The following CEP85 variants were observed in gnomAD, a reference collection of about 807,000 sequenced individuals.
CEP85 encodes the protein centrosomal protein of 85 kDa.
In CEP85, 58 loss-of-function variants were observed where a neutral mutation model predicts 93.7. The observed-to-expected ratio is 0.62, with a 90% CI of 0.50 to 0.77. The LOEUF is 0.77. Ranked by LOEUF, CEP85 falls within the 30% of genes least tolerant of loss-of-function variation. The probability of loss-of-function intolerance (pLI) is 0.00; values close to 1 mark genes in which losing one functional copy is unlikely to be tolerated. For synonymous variants in CEP85, 314 were observed against 338.6 expected, an observed-to-expected ratio of 0.93 and a Z score of 0.80; for missense variants, 868 against 922.0, an observed-to-expected ratio of 0.94 and a Z score of 0.76.
At position 26,264,897 on chromosome 1, in the gene CEP85, C is replaced by A. The variant is rs940432159; in HGVS notation, c.1342-3586C>A. Among the ~76,000 whole-genome samples, 16 of 151,888 alleles carry A rather than the reference C, an allele frequency of 1.1e-4. No individual in the cohort carries two copies. In the East Asian group the frequency reaches 3.1e-3, roughly 29 times the overall value. ...TCACGATTTAGGCTCACTGCAGCCT[C>A]CACCTCCCAGATTCAAACTATTCTC... On this transcript the variant is annotated intron_variant, in intron 7 of 13. Transcript: ENST00000451429.
chr1:26,250,918 T>C (rs546667689), intron 3 of CEP85, among the ~76,000 whole-genome samples: 6 of 37,320 alleles, frequency 1.6e-4, no homozygotes, highest in Admixed American at 6.1e-4. Flanking sequence ...GCTTGCCTTT[T>C]TTTTTTCTTT....
At chr1:26,265,231 G>A (rs1031072650) in intron 7 of CEP85, among the ~76,000 whole-genome samples, 5 of 152,074 alleles carry the variant, frequency 3.3e-5, no homozygotes, top group South Asian at 4.2e-4. Context: ...TGATCTGCCC[G>A]CCTCGACTTC....
intron 3 of CEP85, among the ~76,000 whole-genome samples, chr1:26,246,950 G>T (rs1370713633): frequency 6.6e-6 from 1 of 152,190 alleles, no homozygotes; most frequent in Non-Finnish European, 1.5e-5. Context: ...GCCAAGGACC[G>T]GTACCAGTCT....
rs995826570 is a variant in CEP85, at chr1:26,257,614, C to G, written c.921C>G (p.Ile307Met). 6.2e-7 allele frequency: 1 copy of G among 1,614,080 alleles called. No individual in the cohort carries two copies. The highest frequency in any genetic ancestry group is 1.3e-5 in the African/African-American group (1 of 74,930). Residue 307 changes from isoleucine (I) to methionine (M), a missense_variant, in exon 5 of 14, where the codon ATC becomes ATG. Transcript: ENST00000451429. ...CCTTTCAGCTTCAGAATGGAGCCATCTGCCACCATCCTGCTGCTTTTGGTC... is the reference window on the plus strand; with the variant it reads ...CCTTTCAGCTTCAGAATGGAGCCATGTGCCACCATCCTGCTGCTTTTGGTC... ...MEQMQLQNGAICHHPAAFGPS... is the reference protein window; with the variant it reads ...MEQMQLQNGAMCHHPAAFGPS...
chr1:26,250,592 G>A (rs1371846637), intron 3 of CEP85, among the ~76,000 whole-genome samples: 1 of 152,174 alleles, frequency 6.6e-6, no homozygotes, highest in Non-Finnish European at 1.5e-5. Context: ...AGTTAAAAAT[G>A]TGGACAAAGA....
At position 26,269,610 on chromosome 1, in the gene CEP85, C is replaced by G. The variant is rs1314941232; in HGVS notation, c.1645C>G (p.His549Asp). Residue 549 changes from histidine to aspartate, a missense_variant, in exon 9 of 14, where the codon CAT becomes GAT. By Grantham distance (81) the His-to-Asp change is moderately conservative (BLOSUM62 -1). Transcript: ENST00000451429. Reference sequence around the variant, plus strand: ...AGAAGCAGAATTCTCCTCCGCTGGACATAGGTAAATAACCCTGTGGGACTG... The same window carrying G: ...AGAAGCAGAATTCTCCTCCGCTGGAGATAGGTAAATAACCCTGTGGGACTG... ...QREAEFSSAG[H>D]SLQDKQSVEE... is the part of the protein sequence containing the mutation. 6.2e-7 allele frequency: 1 copy of G among 1,612,710 alleles called. No homozygotes were observed. Among genetic ancestry groups the G allele is most frequent in the South Asian group, 1.1e-5 (1 of 90,858 alleles).
Position 26,278,278 on chromosome 1 carries a change from T to G in CEP85, c.*985T>G, listed in dbSNP as rs1386681184. 3 of 152,586 alleles carry G rather than the reference T, an allele frequency of 2.0e-5. No individual in the cohort carries two copies. The highest frequency in any genetic ancestry group is 4.4e-5 in the Non-Finnish European group (3 of 68,048). 9.5% of individuals were successfully genotyped at this position (152,586 alleles called of 1,614,324 possible). On this transcript the variant is annotated 3_prime_UTR_variant, in exon 14 of 14. Coordinates refer to ENST00000451429, the MANE Select transcript of CEP85 (RefSeq NM_001319944.2). ...TACAAGTCAGCTTTAAAGTACAGCTTTTAGTGTTTCCTGGGTTGTTTCTCT... is the reference window on the plus strand; with the variant it reads ...TACAAGTCAGCTTTAAAGTACAGCTGTTAGTGTTTCCTGGGTTGTTTCTCT...
chr1:26,256,955 G>GTGTGTGTGTGTGT lies in CEP85; in HGVS notation c.904-641_904-640insGTGTGTGTGTGTT, dbSNP rs747449589. On this transcript the variant is annotated intron_variant, in intron 4 of 13. Coordinates refer to ENST00000451429, the MANE Select transcript of CEP85 (RefSeq NM_001319944.2). The stretch of plus-strand genomic sequence containing the variant: ...TGTGTGTGTGTGTGTGTGTGTGTGT[G>GTGTGTGTGTGTGT]TTTTGGAGACAGAGTCTTGCTCTGT... Among the ~76,000 whole-genome samples, 235 of 150,210 alleles carry GTGTGTGTGTGTGT rather than the reference G, an allele frequency of 1.6e-3. 1 individual carries two copies. The highest frequency in any genetic ancestry group is 0.012 in the South Asian group (57 of 4,744).
intron 1 of CEP85, among the ~76,000 whole-genome samples, chr1:26,236,189 TTTA>T (rs1283083321): frequency 6.6e-6 from 1 of 152,208 alleles, no homozygotes; most frequent in Non-Finnish European, 1.5e-5. Context: ...ACTGTAAACC[TTTA>T]TTTTCTCATC....
Position 26,258,153 on chromosome 1 carries a change from C to T in CEP85, c.1048C>T (p.His350Tyr), listed in dbSNP as rs750685725. Residue 350 changes from histidine to tyrosine, a missense_variant, in exon 6 of 14, where the codon CAC (histidine) becomes TAC (tyrosine). Transcript: ENST00000451429. The part of the protein sequence containing the change: ...KELLIDKQRK[H>Y]ISQLEQKVRE... Reference sequence around the variant, plus strand: ...TACCGGCTTGTGCAGGCAGAGGAAACACATCTCTCAGCTGGAGCAGAAAGT... The same window carrying T: ...TACCGGCTTGTGCAGGCAGAGGAAATACATCTCTCAGCTGGAGCAGAAAGT... The T allele has an allele frequency of 6.2e-7, 1 of 1,613,752 alleles. No homozygotes were observed. Among genetic ancestry groups the T allele is most frequent in the South Asian group, 1.1e-5 (1 of 91,046 alleles).
Position 26,244,224 on chromosome 1 carries a change from C to CTCGGAGCCCTT in CEP85, c.123_133dup (p.Arg45ProfsTer12). ...GGACTGAATGGCAGACCCCAGTTAT[C>CTCGGAGCCCTT]TCGGAGCCCTTTCGGAGCCGCTTCA... On this transcript the variant is annotated frameshift_variant, in exon 3 of 14. Transcript: ENST00000451429. LOFTEE classifies it high-confidence loss of function. 1 of 1,613,776 alleles carries CTCGGAGCCCTT rather than the reference C, an allele frequency of 6.2e-7. No homozygotes were observed. The highest frequency in any genetic ancestry group is 8.5e-7 in the Non-Finnish European group (1 of 1,179,972).
intron 13 of CEP85, 75 bp downstream of exon 13, chr1:26,276,835 A>G: frequency 8.4e-7 from 1 of 1,184,258 alleles, no homozygotes; most frequent in Non-Finnish European, 1.2e-6. Context: ...CTGCTTTCCC[A>G]TATTCTTGTG....
At chr1:26,261,342 C>T (rs1053107535) in intron 7 of CEP85, among the ~76,000 whole-genome samples, 4 of 151,772 alleles carry the variant, frequency 2.6e-5, no homozygotes, top group Admixed American at 6.6e-5. Flanking sequence ...CGTGGTGGCA[C>T]ATGCCTATAA....
Position 26,272,020 on chromosome 1 carries a change from G to T in CEP85, c.1744-1G>T, listed in dbSNP as rs2089981945. ...CCTTCCTTGATAACTTTGCCTTTCA[G>T]ATTGTGGAGAAGCAGCAGCAGAAGA... On this transcript the variant is annotated splice_acceptor_variant, in intron 10 of 13. Coordinates refer to ENST00000451429, the MANE Select transcript of CEP85 (RefSeq NM_001319944.2). LOFTEE classifies it high-confidence loss of function. The T allele has an allele frequency of 6.2e-7, 1 of 1,614,092 alleles. No individual in the cohort carries two copies. Among genetic ancestry groups the T allele is most frequent in the East Asian group, 2.2e-5 (1 of 44,890 alleles).
In CEP85 at chr1:26,244,120, A is replaced by G. The variant is rs1263508416; in HGVS notation, c.56-46A>G. The G allele has an allele frequency of 4.4e-6, 7 of 1,579,994 alleles. No individual in the cohort carries two copies. The South Asian group carries it at 6.8e-5, about 15-fold the overall frequency. ...TTTTAAAAAAAGATCTGATGGGGTT[A>G]CATCAGCTGGTTCACAGTAAAGGTG... is the stretch of plus-strand genomic sequence containing the variant. On this transcript the variant is annotated intron_variant, in intron 2 of 13. Coordinates refer to ENST00000451429, the MANE Select transcript of CEP85 (RefSeq NM_001319944.2).
At chr1:26,261,458 G>A (rs772105375) in intron 7 of CEP85, among the ~76,000 whole-genome samples, 32 of 151,986 alleles carry the variant, frequency 2.1e-4, no homozygotes, top group Non-Finnish European at 4.4e-4. Flanking sequence ...GGCAACAAGA[G>A]CGAAACTCCA....
chr1:26,271,986 T>C, intron 10 of CEP85, 35 bp from the exon 11 acceptor site: 1 of 1,611,306 alleles, frequency 6.2e-7, no homozygotes, highest in Non-Finnish European at 8.5e-7. Context: ...GTCAGCCTTG[T>C]GCTCGCAGCC....
At chr1:26,244,894 G>A (rs2089486094) in intron 3 of CEP85, among the ~76,000 whole-genome samples, 1 of 152,172 alleles carries the variant, frequency 6.6e-6, no homozygotes, top group Non-Finnish European at 1.5e-5. Context: ...TTTGCTAAAA[G>A]CCTAATTTCA....
chr1:26,251,737 G>A (rs1205270756), intron 3 of CEP85, among the ~76,000 whole-genome samples: 1 of 152,126 alleles, frequency 6.6e-6, no homozygotes, highest in East Asian at 1.9e-4. Context: ...ACCACAGCAG[G>A]GGGTGTGGGC....
Sources: allele counts gnomAD v4.1 joint callset (sites outside exome capture counted in the v4.1 genomes callset), GRCh38; gene constraint gnomAD v4.1.1; transcripts MANE v1.5; gene names NCBI Gene and HGNC (gene_info 2026-07-23, HGNC 2026-07-21).